The following DGKB variants were observed in gnomAD, a reference collection of about 807,000 sequenced individuals.
The protein encoded by DGKB is diacylglycerol kinase beta.
In DGKB, 67 loss-of-function variants were observed where a neutral mutation model predicts 114.3. That is an observed-to-expected ratio of 0.59 (90% confidence interval 0.48 to 0.72). DGKB has a LOEUF of 0.72. Ranked by LOEUF, DGKB falls within the 30% of genes least tolerant of loss-of-function variation. The pLI is 0.00. For synonymous variants in DGKB, 398 were observed against 323.1 expected (o/e 1.23, Z -2.49); for missense variants, 907 against 975.2 (o/e 0.93, Z 0.93).
At chr7:14,314,863 T>C (rs1806166056) in intron 23 of DGKB, among the ~76,000 whole-genome samples, 1 of 151,322 alleles carries the variant, frequency 6.6e-6, no homozygotes, top group African/African-American at 2.4e-5. Flanking sequence ...AAGGAAAAAA[T>C]GTTAAGGGCA....
chr7:14,417,538 C>T (rs916615632), intron 21 of DGKB, among the ~76,000 whole-genome samples: 1 of 151,832 alleles, frequency 6.6e-6, no homozygotes, highest in Non-Finnish European at 1.5e-5. Context: ...TATTCTTGAA[C>T]CTCAACAGAG....
intron 15 of DGKB, among the ~76,000 whole-genome samples, chr7:14,620,271 T>A (rs1048577776): frequency 6.6e-6 from 1 of 151,180 alleles, no homozygotes; most frequent in East Asian, 1.9e-4. Flanking sequence ...AGTTTAATAA[T>A]TTATGAAAAA....
At chr7:14,223,618 A>T (rs1346629121) in intron 23 of DGKB, among the ~76,000 whole-genome samples, 1 of 151,738 alleles carries the variant, frequency 6.6e-6, no homozygotes, top group Non-Finnish European at 1.5e-5. Context: ...ATGTGGATTC[A>T]AGTTATTATA....
At chr7:14,566,637 C>G (rs1253495184) in intron 20 of DGKB, among the ~76,000 whole-genome samples, 1 of 152,074 alleles carries the variant, frequency 6.6e-6, no homozygotes, top group Non-Finnish European at 1.5e-5. Flanking sequence ...GCAAATATCA[C>G]ACCATAGTCC....
chr7:14,601,615 G>A (rs1045725967), intron 17 of DGKB, among the ~76,000 whole-genome samples: 3 of 152,094 alleles, frequency 2.0e-5, no homozygotes, highest in African/African-American at 7.2e-5. Context: ...ACTATAAGCA[G>A]TCAAGGGAAG....
At chr7:14,743,191 G>A (rs1832803686) in intron 4 of DGKB, among the ~76,000 whole-genome samples, 1 of 152,100 alleles carries the variant, frequency 6.6e-6, no homozygotes, top group African/African-American at 2.4e-5. Context: ...GGGATTAATA[G>A]TAAACTAATG....
intron 1 of DGKB, among the ~76,000 whole-genome samples, chr7:14,951,566 A>C (rs191418525): frequency 9.2e-5 from 14 of 152,174 alleles, no homozygotes; most frequent in African/African-American, 3.4e-4. Flanking sequence ...ATTATTCTAT[A>C]TAATACAATA....
intron 23 of DGKB, among the ~76,000 whole-genome samples, chr7:14,295,078 G>C (rs768493992): frequency 6.6e-6 from 1 of 152,046 alleles, no homozygotes; most frequent in Non-Finnish European, 1.5e-5. Flanking sequence ...TTTATGAAAG[G>C]CTCTTACTTC....
chr7:14,605,053 G>A (rs1804228688), intron 17 of DGKB, among the ~76,000 whole-genome samples: 1 of 152,060 alleles, frequency 6.6e-6, no homozygotes, highest in Non-Finnish European at 1.5e-5. Context: ...CATAGCCACT[G>A]ATACCATAAA....
At chr7:14,196,736 G>A (rs533217746) in intron 23 of DGKB, among the ~76,000 whole-genome samples, 1 of 151,750 alleles carries the variant, frequency 6.6e-6, no homozygotes, top group African/African-American at 2.4e-5. Flanking sequence ...GAGATTTTCA[G>A]TATCTAGTCA....
chr7:14,751,323 A>G (rs1207661222), intron 4 of DGKB, among the ~76,000 whole-genome samples: 1 of 152,198 alleles, frequency 6.6e-6, no homozygotes, highest in African/African-American at 2.4e-5. Context: ...AACATTCTAC[A>G]GTGTGAATTT....
chr7:14,291,812 G>A (rs1801816706), intron 23 of DGKB, among the ~76,000 whole-genome samples: 1 of 152,080 alleles, frequency 6.6e-6, no homozygotes, highest in South Asian at 2.1e-4. Flanking sequence ...TGAACCCTAT[G>A]CGGCAAAGAT....
chr7:14,181,850 G>A (rs1358898020), intron 23 of DGKB, among the ~76,000 whole-genome samples: 2 of 152,132 alleles, frequency 1.3e-5, no homozygotes, highest in Admixed American at 6.5e-5. Flanking sequence ...ATACCTCCAT[G>A]GGAGTAAACA....
chr7:14,784,329 C>T (rs1839549296), intron 2 of DGKB, among the ~76,000 whole-genome samples: 1 of 150,876 alleles, frequency 6.6e-6, no homozygotes, highest in Non-Finnish European at 1.5e-5. Context: ...AATATAAACA[C>T]CTTTTTGACC....
chr7:14,919,079 C>CACACACACACACAA (rs1784383053), intron 1 of DGKB, among the ~76,000 whole-genome samples: 4 of 129,540 alleles, frequency 3.1e-5, no homozygotes, highest in African/African-American at 1.2e-4. Context: ...CACACACACA[C>CACACACACACACAA]ACACACACAC....
chr7:14,322,323 G>A (rs552893938), intron 23 of DGKB, among the ~76,000 whole-genome samples: 57 of 152,292 alleles, frequency 3.7e-4, no homozygotes, highest in Non-Finnish European at 7.4e-4. Context: ...GGAATACAGT[G>A]TTCAGAAATA....
chr7:14,567,436 A>C (rs1339003484), intron 20 of DGKB, among the ~76,000 whole-genome samples: 127 of 57,344 alleles, frequency 2.2e-3, no homozygotes, highest in Non-Finnish European at 3.4e-3. Flanking sequence ...TATATATATA[A>C]TTATATTATA....
chr7:14,531,840 A>G (rs1034724164), intron 20 of DGKB, among the ~76,000 whole-genome samples: 1 of 151,396 alleles, frequency 6.6e-6, no homozygotes, highest in Non-Finnish European at 1.5e-5. Context: ...AGGCATATAA[A>G]TAAATGAAAA....
chr7:14,433,466 G>T (rs560180897), intron 21 of DGKB, among the ~76,000 whole-genome samples: 1 of 151,976 alleles, frequency 6.6e-6, no homozygotes, highest in South Asian at 2.1e-4. Context: ...GTTACTTTGG[G>T]GTTTATTTTC....
Sources: allele counts gnomAD v4.1 joint callset (sites outside exome capture counted in the v4.1 genomes callset), GRCh38; gene constraint gnomAD v4.1.1; transcripts MANE v1.5; gene names NCBI Gene and HGNC (gene_info 2026-07-23, HGNC 2026-07-21).